ABCC12: variants seen among roughly 807,000 people sequenced by gnomAD.
ABCC12 encodes the protein ATP binding cassette subfamily C member 12, also known as ATP-binding cassette sub-family C member 12.
ABCC12 carries 142 observed loss-of-function variants against 151.1 expected under a neutral mutation model. The ratio of observed to expected loss-of-function variants is 0.94; its 90% CI spans 0.82 to 1.08. The LOEUF (loss-of-function observed/expected upper bound fraction) is 1.08. Among genes scored for constraint, ABCC12 ranks in the 50% least tolerant of loss-of-function variants. The probability of loss-of-function intolerance (pLI) is 0.00; values close to 1 mark genes in which losing one functional copy is unlikely to be tolerated. For missense variants in ABCC12, 1,638 were observed against 1,691.1 expected (o/e 0.97, Z 0.55); for synonymous variants, 645 against 646.4 (o/e 1.00, Z 0.03).
In ABCC12 at chr16:48,088,529, C is replaced by A; in HGVS notation, c.3475+16G>T. Reference sequence around the variant, plus strand: ...GAAAACAACCCAAAAGAAACAAAAGCAGAGCTTGTCCTCACCGGAACCTGT... The same window carrying A: ...GAAAACAACCCAAAAGAAACAAAAGAAGAGCTTGTCCTCACCGGAACCTGT... On this transcript the variant is annotated intron_variant, in intron 26 of 30. Coordinates refer to ENST00000311303, the MANE Select transcript of ABCC12 (RefSeq NM_001393797.1). 6.2e-7 allele frequency: 1 copy of A among 1,604,588 alleles called. No homozygotes were observed. Among genetic ancestry groups the A allele is most frequent in the Non-Finnish European group, 8.5e-7 (1 of 1,174,664 alleles).
Position 48,146,378 on chromosome 16 carries a change from C to A in ABCC12, c.47G>T (p.Gly16Val). The change falls in exon 3 of 31, where the codon GGC becomes GTC. Residue 16 changes from glycine (G) to valine (V), a missense_variant. Physicochemically the swap from Gly to Val is moderately radical, Grantham distance 109. Transcript: ENST00000311303. ...PYLISDLDQRGRRRSFAERYD... is the reference protein window; with the variant it reads ...PYLISDLDQRVRRRSFAERYD... Reference sequence around the variant, plus strand: ...TCTTTCTGCAAAGGATCTCCGCCGGCCTCGCTGGTCCAGATCTGAGATAAG... The same window carrying A: ...TCTTTCTGCAAAGGATCTCCGCCGGACTCGCTGGTCCAGATCTGAGATAAG... 2 of 1,614,190 alleles carry A rather than the reference C, an allele frequency of 1.2e-6. No homozygotes were observed. Among genetic ancestry groups the A allele is most frequent in the Non-Finnish European group, 1.7e-6 (2 of 1,180,018 alleles).
intron 24 of ABCC12, among the ~76,000 whole-genome samples, chr16:48,092,068 C>G (rs1011600096): frequency 3.9e-5 from 6 of 152,174 alleles, no homozygotes; most frequent in African/African-American, 1.4e-4. Context: ...CCAGCAGCCA[C>G]AGAAGCTGGA....
At chr16:48,115,366 C>G in intron 15 of ABCC12, 49 bp downstream of exon 15, 1 of 1,587,268 alleles carries the variant, frequency 6.3e-7, no homozygotes, top group Non-Finnish European at 8.6e-7. Flanking sequence ...GCATCAGATC[C>G]CCAGCCACAC....
intron 19 of ABCC12, 135 bp downstream of exon 19, chr16:48,108,305 A>C: frequency 2.6e-6 from 2 of 778,036 alleles, no homozygotes; most frequent in Non-Finnish European, 4.0e-6. Context: ...GAGGGGAAAA[A>C]ATAAAAGCAT....
At chr16:48,150,149 G>C (rs1487195034) in intron 2 of ABCC12, among the ~76,000 whole-genome samples, 3 of 152,150 alleles carry the variant, frequency 2.0e-5, no homozygotes, top group African/African-American at 7.2e-5. Context: ...TAATTTTGCA[G>C]GCTGTCTTCC....
chr16:48,086,049 G>A, intron 28 of ABCC12: 1 of 233,714 alleles, frequency 4.3e-6, no homozygotes, highest in Non-Finnish European at 8.4e-6. Flanking sequence ...GATGGGATGG[G>A]AGAGTTTTCT....
chr16:48,128,191 G>A (rs1964302756), intron 11 of ABCC12, among the ~76,000 whole-genome samples: 1 of 152,144 alleles, frequency 6.6e-6, no homozygotes, highest in South Asian at 2.1e-4. Flanking sequence ...CACCTGGAGT[G>A]GACTGTTCAT....
chr16:48,091,233 G>A (rs761959762), intron 24 of ABCC12, 24 bp from the exon 25 acceptor site: 2 of 1,607,626 alleles, frequency 1.2e-6, no homozygotes, highest in East Asian at 2.2e-5. Flanking sequence ...GCGAGCAGCC[G>A]CAGTTAGAGC....
chr16:48,114,762 G>T (rs1963817122), intron 15 of ABCC12, among the ~76,000 whole-genome samples: 1 of 152,184 alleles, frequency 6.6e-6, no homozygotes, highest in Admixed American at 6.5e-5. Flanking sequence ...AGGCAATCAG[G>T]ACGCCTTATG....
rs987674327 is a variant in ABCC12, at chr16:48,082,451, C to T, written c.*1264G>A. On this transcript the variant is annotated 3_prime_UTR_variant, in exon 31 of 31. Coordinates refer to ENST00000311303, the MANE Select transcript of ABCC12 (RefSeq NM_001393797.1). ...ATCCAGATTAAGCTCTTAACATGCA[C>T]ACACACCTGGGAGGGGTGTCCGCCA... 1.3e-4 allele frequency among the ~76,000 whole-genome samples: 20 copies of T among 152,222 alleles called. No homozygotes were observed. Among genetic ancestry groups the T allele is most frequent in the Admixed American group, 2.0e-4 (3 of 15,286 alleles).
intron 24 of ABCC12, among the ~76,000 whole-genome samples, chr16:48,094,637 T>A (rs1963027762): frequency 6.6e-6 from 1 of 152,190 alleles, no homozygotes; most frequent in Non-Finnish European, 1.5e-5. Flanking sequence ...CACATGCACA[T>A]GGACACACAC....
intron 11 of ABCC12, among the ~76,000 whole-genome samples, chr16:48,127,924 T>C (rs1443657051): frequency 2.0e-5 from 3 of 151,964 alleles, no homozygotes; most frequent in Non-Finnish European, 2.9e-5. Context: ...AAATTTAATT[T>C]AAAAATTATC....
Position 48,130,832 on chromosome 16 carries a change from T to C in ABCC12, c.1192A>G (p.Ile398Val), listed in dbSNP as rs543393525. The C allele has an allele frequency of 8.1e-6, 13 of 1,613,700 alleles. No individual in the cohort carries two copies. Among genetic ancestry groups the C allele is most frequent in the African/African-American group, 1.3e-5 (1 of 74,918 alleles). Residue 398 changes from isoleucine to valine, a missense_variant, in exon 10 of 31, where the codon ATC becomes GTC. Physicochemically the swap from Ile to Val is conservative, Grantham distance 29. Transcript: ENST00000311303. ...KFSIAILPFS[I>V]KAMAEANVSL... is the part of the protein sequence containing the mutation. ...ACATTCGCTTCAGCCATTGCTTTGA[T>C]GGAGAAGGGCAAGATTGCAATGGAA...
intron 25 of ABCC12, among the ~76,000 whole-genome samples, chr16:48,090,069 C>A (rs1962814756): frequency 6.6e-6 from 1 of 152,052 alleles, no homozygotes; most frequent in South Asian, 2.1e-4. Context: ...GTAAATGGAG[C>A]CAAACACTCT....
At chr16:48,101,461 C>T (rs925552861) in intron 22 of ABCC12, among the ~76,000 whole-genome samples, 1 of 152,026 alleles carries the variant, frequency 6.6e-6, no homozygotes, top group Non-Finnish European at 1.5e-5. Context: ...TTTGAATGAA[C>T]GTCATTATAG....
chr16:48,101,040 C>A, intron 22 of ABCC12, 31 bp from the exon 23 acceptor site: 1 of 1,609,278 alleles, frequency 6.2e-7, no homozygotes, highest in Non-Finnish European at 8.5e-7. Flanking sequence ...GCCAGGTGGG[C>A]CACAAAGTGA....
At chr16:48,118,325 C>T (rs1963959072) in intron 13 of ABCC12, among the ~76,000 whole-genome samples, 1 of 152,194 alleles carries the variant, frequency 6.6e-6, no homozygotes. Flanking sequence ...ATACAGCCCC[C>T]ACCATAAGCA....
In ABCC12 at chr16:48,121,741, A is replaced by G. The variant is rs753610582; in HGVS notation, c.1687T>C (p.Phe563Leu). Residue 563 changes from phenylalanine (F) to leucine (L), a missense_variant, in exon 13 of 31, where the codon TTT (phenylalanine) becomes CTT (leucine). Coordinates refer to ENST00000311303, the MANE Select transcript of ABCC12 (RefSeq NM_001393797.1). ...CTTTGGTGATCATACTTTTCTCCAAAGAGTATGTTTTCTCTCACATTTCCA... is the reference window on the plus strand; with the variant it reads ...CTTTGGTGATCATACTTTTCTCCAAGGAGTATGTTTTCTCTCACATTTCCA... ...FHGNVRENIL[F>L]GEKYDHQRYQ... is the part of the protein sequence containing the mutation. 1 of 1,614,182 alleles carries G rather than the reference A, an allele frequency of 6.2e-7. No individual in the cohort carries two copies. Among genetic ancestry groups the G allele is most frequent in the Non-Finnish European group, 8.5e-7 (1 of 1,180,016 alleles).
Position 48,082,434 on chromosome 16 carries a change from T to C in ABCC12, c.*1281A>G, listed in dbSNP as rs1478670521. Among the ~76,000 whole-genome samples, 1 of 152,220 alleles carries C rather than the reference T, an allele frequency of 6.6e-6. No homozygotes were observed. The highest frequency in any genetic ancestry group is 2.4e-5 in the African/African-American group (1 of 41,454). On this transcript the variant is annotated 3_prime_UTR_variant, in exon 31 of 31. Transcript: ENST00000311303. ...TGGCTTTTTGGCCAGAAATCCAGAT[T>C]AAGCTCTTAACATGCACACACACCT...
Sources: allele counts gnomAD v4.1 joint callset (sites outside exome capture counted in the v4.1 genomes callset), GRCh38; gene constraint gnomAD v4.1.1; transcripts MANE v1.5; gene names NCBI Gene and HGNC (gene_info 2026-07-23, HGNC 2026-07-21).